Variants in UNC5D observed in about 807,000 individuals in gnomAD.
UNC5D encodes the protein unc-5 netrin receptor D, also known as netrin receptor UNC5D.
In UNC5D, 39 loss-of-function variants were observed where a neutral mutation model predicts 105.4. The ratio of observed to expected loss-of-function variants is 0.37; its 90% confidence interval spans 0.29 to 0.48. The LOEUF is 0.48. Among genes scored for constraint, UNC5D ranks in the 20% least tolerant of loss-of-function variants. The probability of loss-of-function intolerance (pLI) is 0.98; values close to 1 mark genes in which losing one functional copy is unlikely to be tolerated. For missense variants in UNC5D, 991 were observed against 1,202.4 expected (o/e 0.82, Z 2.60); for synonymous variants, 452 against 450.4 (o/e 1.00, Z -0.04).
At chr8:35,744,322 T>C (rs1270779164) in intron 11 of UNC5D, among the ~76,000 whole-genome samples, 1 of 152,218 alleles carries the variant, frequency 6.6e-6, no homozygotes, top group East Asian at 1.9e-4. Flanking sequence ...AAGTACTATT[T>C]TACCCTTCGT....
At chr8:35,592,721 A>G (rs775982592) in intron 3 of UNC5D, among the ~76,000 whole-genome samples, 1 of 152,188 alleles carries the variant, frequency 6.6e-6, no homozygotes, top group African/African-American at 2.4e-5. Flanking sequence ...CTCACTTGGT[A>G]TAATGATGTC....
At chr8:35,283,701 G>A (rs886801720) in intron 1 of UNC5D, among the ~76,000 whole-genome samples, 3 of 152,074 alleles carry the variant, frequency 2.0e-5, no homozygotes, top group Non-Finnish European at 4.4e-5. Context: ...CTACTTGGGA[G>A]GCTGAGGCAG....
chr8:35,520,578 GT>G (rs1413188860), intron 1 of UNC5D, among the ~76,000 whole-genome samples: 1 of 152,134 alleles, frequency 6.6e-6, no homozygotes, highest in African/African-American at 2.4e-5. Context: ...TATATCAGAT[GT>G]TTTTATAAGA....
intron 4 of UNC5D, among the ~76,000 whole-genome samples, chr8:35,634,862 G>A (rs562615839): frequency 6.6e-6 from 1 of 151,830 alleles, no homozygotes; most frequent in African/African-American, 2.4e-5. Flanking sequence ...CGACTACCAG[G>A]TTCAAGTGAT....
chr8:35,525,708 G>A (rs1813822496), intron 1 of UNC5D: 5 of 1,596,276 alleles, frequency 3.1e-6, no homozygotes, highest in Non-Finnish European at 4.3e-6. Context: ...CTCCTGGCAC[G>A]TCCGGCACGA....
intron 1 of UNC5D, among the ~76,000 whole-genome samples, chr8:35,377,225 G>A (rs1802754156): frequency 6.6e-6 from 1 of 152,154 alleles, no homozygotes; most frequent in Non-Finnish European, 1.5e-5. Flanking sequence ...ATCTGAGCTG[G>A]GATGCAGTGG....
intron 15 of UNC5D, among the ~76,000 whole-genome samples, chr8:35,773,698 G>T (rs1802105677): frequency 6.7e-6 from 1 of 149,680 alleles, no homozygotes; most frequent in Admixed American, 6.6e-5. Context: ...GTCTAATTCT[G>T]CTCTCACCTG....
chr8:35,389,605 A>G (rs1803644369), intron 1 of UNC5D, among the ~76,000 whole-genome samples: 1 of 152,166 alleles, frequency 6.6e-6, no homozygotes, highest in African/African-American at 2.4e-5. Flanking sequence ...TTGCTAAATA[A>G]CTTGCCCTTT....
chr8:35,247,284 T>C (rs1420166998), intron 1 of UNC5D, among the ~76,000 whole-genome samples: 1 of 151,298 alleles, frequency 6.6e-6, no homozygotes, highest in African/African-American at 2.4e-5. Context: ...AGATTTTTTT[T>C]TTTTCCTTTG....
chr8:35,318,997 C>G (rs1809510647), intron 1 of UNC5D, among the ~76,000 whole-genome samples: 1 of 152,078 alleles, frequency 6.6e-6, no homozygotes, highest in Non-Finnish European at 1.5e-5. Context: ...CACCCATGTT[C>G]CACAAACAGT....
intron 8 of UNC5D, among the ~76,000 whole-genome samples, chr8:35,721,828 G>C (rs908112072): frequency 1.3e-5 from 2 of 152,166 alleles, no homozygotes; most frequent in African/African-American, 2.4e-5. Context: ...TTTTATCACT[G>C]TGTGTGGGTC....
chr8:35,263,602 AC>A (rs1478136509), intron 1 of UNC5D, among the ~76,000 whole-genome samples: 1 of 152,172 alleles, frequency 6.6e-6, no homozygotes, highest in Non-Finnish European at 1.5e-5. Context: ...TTTTCTAGCC[AC>A]CTAATAATGA....
intron 15 of UNC5D, among the ~76,000 whole-genome samples, chr8:35,771,072 AT>A (rs750963360): frequency 3.3e-5 from 5 of 152,228 alleles, no homozygotes; most frequent in Non-Finnish European, 7.3e-5. Flanking sequence ...CCTGGAAAAT[AT>A]TTAAATTTGA....
intron 1 of UNC5D, among the ~76,000 whole-genome samples, chr8:35,497,854 G>A (rs1811704953): frequency 6.6e-6 from 1 of 151,986 alleles, no homozygotes; most frequent in Non-Finnish European, 1.5e-5. Flanking sequence ...TGGATCACCT[G>A]AGGTCAGGAG....
At chr8:35,723,053 G>A (rs1431158319) in intron 9 of UNC5D, among the ~76,000 whole-genome samples, 1 of 152,176 alleles carries the variant, frequency 6.6e-6, no homozygotes, top group East Asian at 1.9e-4. Context: ...CTTATTGCAA[G>A]GTGGGGATGA....
At chr8:35,735,414 A>T (rs1323881985) in intron 11 of UNC5D, among the ~76,000 whole-genome samples, 2 of 152,220 alleles carry the variant, frequency 1.3e-5, no homozygotes, top group Non-Finnish European at 2.9e-5. Context: ...GAAATGTTGT[A>T]AGTCATCTTA....
intron 3 of UNC5D, among the ~76,000 whole-genome samples, chr8:35,593,511 G>A (rs979509437): frequency 5.3e-5 from 8 of 152,230 alleles, no homozygotes; most frequent in South Asian, 2.1e-4. Flanking sequence ...CAAGCATTTC[G>A]GGAGGCCAAG....
chr8:35,525,896 C>T, intron 1 of UNC5D: 1 of 821,978 alleles, frequency 1.2e-6, no homozygotes, highest in Non-Finnish European at 1.9e-6. Context: ...ATTTTCTTTT[C>T]TCTCCCTGCA....
intron 1 of UNC5D, among the ~76,000 whole-genome samples, chr8:35,490,712 T>C (rs1563467911): frequency 1.3e-5 from 2 of 152,134 alleles, no homozygotes; most frequent in Non-Finnish European, 2.9e-5. Context: ...TTCTGGTGTT[T>C]CAGAGGCTTC....
Sources: gnomAD v4.1 joint callset for allele counts (sites outside exome capture counted in the v4.1 genomes callset) on GRCh38, gnomAD v4.1.1 for gene constraint, MANE v1.5 for transcripts, NCBI Gene and HGNC (gene_info 2026-07-23, HGNC 2026-07-21) for gene names.